The following CSMD1 variants were observed in gnomAD, a reference collection of about 807,000 sequenced individuals.
CSMD1 encodes the protein CUB and sushi domain-containing protein 1.
A neutral mutation model predicts 417.5 loss-of-function variants in CSMD1; 213 were observed. That is an observed-to-expected ratio of 0.51 (90% CI 0.46 to 0.57). The LOEUF (loss-of-function observed/expected upper bound fraction) is 0.57, where lower values mean the gene tolerates loss of function less well. Ranked by LOEUF, CSMD1 falls within the 20% of genes least tolerant of loss-of-function variation. The pLI is 0.00. For synonymous variants in CSMD1, 2,862 were observed against 1,736.8 expected (o/e 1.65, Z -16.11); for missense variants, 6,923 against 4,529.7 (o/e 1.53, Z -15.17).
chr8:3,465,793 G>C (rs182611420), intron 12 of CSMD1, among the ~76,000 whole-genome samples: 2 of 152,274 alleles, frequency 1.3e-5, no homozygotes, highest in East Asian at 3.9e-4. Flanking sequence ...GTTAAAATAA[G>C]ATGATGTGGC....
intron 3 of CSMD1, among the ~76,000 whole-genome samples, chr8:4,336,281 C>G (rs79281138): frequency 1.4e-3 from 219 of 152,182 alleles, no homozygotes; most frequent in African/African-American, 4.9e-3. Context: ...TATTTTATGT[C>G]AGAAGCTTTA....
chr8:4,095,946 T>C (rs1030520060), intron 3 of CSMD1, among the ~76,000 whole-genome samples: 57 of 152,318 alleles, frequency 3.7e-4, no homozygotes, highest in African/African-American at 1.3e-3. Context: ...CCTAAAAAGA[T>C]TCATGCCTAA....
intron 3 of CSMD1, among the ~76,000 whole-genome samples, chr8:4,240,703 T>A (rs1003064130): frequency 2.0e-5 from 3 of 152,206 alleles, no homozygotes; most frequent in African/African-American, 7.2e-5. Flanking sequence ...GTACCACAAT[T>A]TAAAAAATGC....
chr8:3,190,046 G>C lies in CSMD1; in HGVS notation c.5264C>G (p.Ser1755Cys). The C allele has an allele frequency of 1.3e-6, 2 of 1,595,904 alleles. No homozygotes were observed. The highest frequency in any genetic ancestry group is 1.1e-5 in the South Asian group (1 of 87,482). ...PEPRYGRRIG[S>C]EFSAGSIVRF... is the part of the protein sequence containing the mutation. ...GACGATGGAGCCGGCAGAAAACTCA[G>C]AACCAATTCTCCTTCCGTATCTGGG... The change falls in exon 34 of 70, where the codon TCT becomes TGT. Residue 1755 changes from serine to cysteine, a missense_variant. Transcript: ENST00000635120.
At chr8:3,243,932 AATTTT>A (rs1445480608) in intron 26 of CSMD1, among the ~76,000 whole-genome samples, 3 of 152,146 alleles carry the variant, frequency 2.0e-5, no homozygotes, top group Non-Finnish European at 2.9e-5. Context: ...CGTTATGTAA[AATTTT>A]ATTTGTTGAC....
intron 2 of CSMD1, among the ~76,000 whole-genome samples, chr8:4,469,266 CAA>C (rs1268305275): frequency 1.3e-5 from 2 of 152,162 alleles, no homozygotes; most frequent in Non-Finnish European, 2.9e-5. Context: ...CAGGCTGCAG[CAA>C]AGACACTATG....
At chr8:4,210,398 A>G (rs117713997) in intron 3 of CSMD1, among the ~76,000 whole-genome samples, 464 of 152,344 alleles carry the variant, frequency 3.0e-3, no homozygotes, top group Admixed American at 6.9e-3. Context: ...TCAGGATTTT[A>G]TAGTGGAAAC....
At chr8:3,380,700 G>A (rs372956121) in intron 18 of CSMD1, among the ~76,000 whole-genome samples, 224 of 152,158 alleles carry the variant, frequency 1.5e-3, no homozygotes, top group African/African-American at 5.2e-3. Context: ...GAGAACACAT[G>A]GACACAGGCT....
chr8:4,243,890 C>G (rs1802545339), intron 3 of CSMD1, among the ~76,000 whole-genome samples: 1 of 152,100 alleles, frequency 6.6e-6, no homozygotes, highest in Non-Finnish European at 1.5e-5. Context: ...TGTTTTCTCC[C>G]ATAAACACAT....
At chr8:4,308,283 T>TGGTGTGTGTGAAGTTTGAAGTG (rs1798360676) in intron 3 of CSMD1, among the ~76,000 whole-genome samples, 1 of 151,932 alleles carries the variant, frequency 6.6e-6, no homozygotes, top group African/African-American at 2.4e-5. Context: ...GTATAGTTGA[T>TGGTGTGTGTGAAGTTTGAAGTG]GGTGTGTGTG....
chr8:4,583,709 T>G (rs559221993), intron 2 of CSMD1, among the ~76,000 whole-genome samples: 2 of 152,198 alleles, frequency 1.3e-5, no homozygotes, highest in South Asian at 4.2e-4. Flanking sequence ...GCTCAGGCAT[T>G]GTAAACACAC....
At chr8:4,099,708 T>C (rs1397726797) in intron 3 of CSMD1, among the ~76,000 whole-genome samples, 4 of 152,170 alleles carry the variant, frequency 2.6e-5, no homozygotes, top group Non-Finnish European at 5.9e-5. Flanking sequence ...TTCTTTTCTT[T>C]TGGGACTTTA....
chr8:4,051,854 C>CTT (rs1554428969), intron 3 of CSMD1, among the ~76,000 whole-genome samples: 29 of 28,112 alleles, frequency 1.0e-3, no homozygotes, highest in African/African-American at 2.6e-3. Context: ...CTTTTCTTTT[C>CTT]TCTTTCTTTC....
intron 7 of CSMD1, among the ~76,000 whole-genome samples, chr8:3,658,699 C>T (rs566013378): frequency 2.6e-5 from 4 of 152,082 alleles, no homozygotes; most frequent in Admixed American, 2.6e-4. Flanking sequence ...AGGGGAAACA[C>T]TTGAACGCAG....
rs77241623 is a variant in CSMD1, at chr8:4,961,049, G to T, written c.85+33283C>A. On this transcript the variant is annotated intron_variant, in intron 1 of 69. Transcript: ENST00000635120. ...AAGATTCTTCCTCTTCTCACCCTACGAAATAGTCACTACACTTTGGAGTAA... is the reference window on the plus strand; with the variant it reads ...AAGATTCTTCCTCTTCTCACCCTACTAAATAGTCACTACACTTTGGAGTAA... Among the ~76,000 whole-genome samples the T allele has an allele frequency of 1.2e-3, 182 of 152,048 alleles. 3 individuals carry two copies. The East Asian group carries it at 0.013, about 11-fold the overall frequency.
intron 1 of CSMD1, among the ~76,000 whole-genome samples, chr8:4,731,415 C>T (rs2124957): frequency 0.36 from 55,388 of 151,978 alleles, 11,103 homozygotes; most frequent in South Asian, 0.49. Flanking sequence ...CATATTTTTC[C>T]GTATTGGAGT....
chr8:3,733,953 C>T (rs1796396877), intron 6 of CSMD1, among the ~76,000 whole-genome samples: 1 of 151,936 alleles, frequency 6.6e-6, no homozygotes, highest in Non-Finnish European at 1.5e-5. Flanking sequence ...CACTGGGGTC[C>T]TGAAACTTAT....
At chr8:4,241,511 C>T (rs1236791766) in intron 3 of CSMD1, among the ~76,000 whole-genome samples, 1 of 152,140 alleles carries the variant, frequency 6.6e-6, no homozygotes, top group Non-Finnish European at 1.5e-5. Context: ...GTCTGTGCCC[C>T]CAGGAGGGCA....
At chr8:4,632,892 C>A (rs1361223472) in intron 2 of CSMD1, among the ~76,000 whole-genome samples, 2 of 152,146 alleles carry the variant, frequency 1.3e-5, no homozygotes, top group African/African-American at 4.8e-5. Context: ...CTTGTAAGGT[C>A]AGGTCAAGGA....
Sources: gnomAD v4.1 joint callset for allele counts (sites outside exome capture counted in the v4.1 genomes callset) on GRCh38, gnomAD v4.1.1 for gene constraint, MANE v1.5 for transcripts, NCBI Gene and HGNC (gene_info 2026-07-23, HGNC 2026-07-21) for gene names.